Variants in CASZ1 observed in about 807,000 individuals in gnomAD.
CASZ1 encodes castor zinc finger 1.
A neutral mutation model predicts 135.2 loss-of-function variants in CASZ1; 28 were observed. The ratio of observed to expected loss-of-function variants is 0.21; its 90% CI spans 0.15 to 0.28. The LOEUF is 0.28. Ranked by LOEUF, CASZ1 falls within the 10% of genes least tolerant of loss-of-function variation. The probability of loss-of-function intolerance (pLI) is 1.00; values close to 1 mark genes in which losing one functional copy is unlikely to be tolerated. For missense variants in CASZ1, 2,161 were observed against 2,453.3 expected (o/e 0.88, Z 2.52); for synonymous variants, 1,068 against 1,073.4 (o/e 0.99, Z 0.10).
rs1402191871 is a variant in CASZ1 at position 10,727,930 on chromosome 1, G to T, written c.-76-22386C>A. 6.6e-6 allele frequency among the ~76,000 whole-genome samples: 1 copy of T among 152,252 alleles called. No individual in the cohort carries two copies. Among genetic ancestry groups the T allele is most frequent in the Non-Finnish European group, 1.5e-5 (1 of 68,042 alleles). Reference sequence around the variant, plus strand: ...CCCGGCACCATGCCAACACGTGGAAGGTTGAACTAACCCCGGGCGCGATGC... The same window carrying T: ...CCCGGCACCATGCCAACACGTGGAATGTTGAACTAACCCCGGGCGCGATGC... On this transcript the variant is annotated intron_variant, in intron 2 of 20. Transcript: ENST00000377022. This position sits in a 1 kb window ranked among gnomAD's most constrained non-coding sequence, Gnocchi z 5.3.
At position 10,676,677 on chromosome 1, in the gene CASZ1, C is replaced by G. The variant is rs1638234815; in HGVS notation, c.17-11106G>C. Among the ~76,000 whole-genome samples, 1 of 152,182 alleles carries G rather than the reference C, an allele frequency of 6.6e-6. No homozygotes were observed. Among genetic ancestry groups the G allele is most frequent in the African/African-American group, 2.4e-5 (1 of 41,446 alleles). ...GCCTGCCCTCGACCAGCCTACAGCT[C>G]AGAAACGAGCCCCTGGCCCGGGGCG... On this transcript the variant is annotated intron_variant, in intron 4 of 20. Transcript: ENST00000377022. This position sits in a 1 kb window ranked among gnomAD's most constrained non-coding sequence, Gnocchi z 4.5.
At position 10,655,714 on chromosome 1, in the gene CASZ1, C is replaced by T. The variant is rs759683703; in HGVS notation, c.1600G>A (p.Asp534Asn). 21 of 1,614,056 alleles carry T rather than the reference C, an allele frequency of 1.3e-5. No homozygotes were observed. Among genetic ancestry groups the T allele is most frequent in the African/African-American group, 2.7e-5 (2 of 74,948 alleles). ...HGFMRFSPLD[D>N]CSVYYHGCHL... ...CAGCCGTGGTAGTAGACGCTGCAGT[C>T]GTCCAGCGGGCTGAAACGCATGAAG... The change falls in exon 9 of 21, where the codon GAC becomes AAC. Residue 534 changes from aspartate (D) to asparagine (N), a missense_variant. Asp to Asn is a conservative substitution (Grantham distance 23). Around this residue, in one of 7 missense-constraint regions of CASZ1, gnomAD observed 248 missense variants for 410.8 expected, o/e 0.60. Transcript: ENST00000377022.
intron 2 of CASZ1, among the ~76,000 whole-genome samples, chr1:10,743,203 TA>T (rs1445445448): frequency 6.6e-6 from 1 of 151,266 alleles, no homozygotes; most frequent in Non-Finnish European, 1.5e-5. Flanking sequence ...GTCTGGGGCA[TA>T]AACCGGAGAA....
At position 10,642,870 on chromosome 1, in the gene CASZ1, C is replaced by T. The variant is rs199766638; in HGVS notation, c.4151G>A (p.Ser1384Asn). The T allele has an allele frequency of 6.8e-6, 11 of 1,612,658 alleles. No individual in the cohort carries two copies. The highest frequency in any genetic ancestry group is 5.3e-5 in the African/African-American group (4 of 74,940). ...TGCCTGCCGCTCACCTGCCGCGGTG[C>T]TCTCGTTACCCACGGGGGTGCTGGA... ...SCSSTPVGNE[S>N]TAAGNTISMP... Residue 1384 changes from serine to asparagine, a missense_variant, in exon 20 of 21, where the codon AGC (serine) becomes AAC (asparagine). Ser to Asn is a conservative substitution (Grantham distance 46). Around this residue, in one of 7 missense-constraint regions of CASZ1, gnomAD observed 143 missense variants for 128.3 expected, o/e 1.11. Coordinates refer to ENST00000377022, the MANE Select transcript of CASZ1 (RefSeq NM_001079843.3).
chr1:10,668,673 C>T (rs993354649), intron 4 of CASZ1, among the ~76,000 whole-genome samples: 3 of 152,266 alleles, frequency 2.0e-5, no homozygotes, highest in African/African-American at 7.2e-5. Flanking sequence ...ATGGCCTAGC[C>T]TCTGGGGTCA....
At chr1:10,675,233 G>A (rs1276200126) in intron 4 of CASZ1, among the ~76,000 whole-genome samples, 2 of 152,172 alleles carry the variant, frequency 1.3e-5, no homozygotes, top group African/African-American at 4.8e-5. Flanking sequence ...GAGTCGTAGC[G>A]CACACAGGGT....
At chr1:10,662,347 CACAT>C (rs1334387474) in intron 5 of CASZ1, among the ~76,000 whole-genome samples, 4 of 151,114 alleles carry the variant, frequency 2.6e-5, no homozygotes, top group Non-Finnish European at 5.9e-5. Context: ...TGCTCACAAT[CACAT>C]ACAACACACA....
chr1:10,691,428 C>T (rs991285948), intron 4 of CASZ1, among the ~76,000 whole-genome samples: 1 of 152,210 alleles, frequency 6.6e-6, no homozygotes, highest in African/African-American at 2.4e-5. Flanking sequence ...TTCCTCATGG[C>T]TGAAGGCCTT....
chr1:10,718,238 A>G (rs953179274), intron 2 of CASZ1, among the ~76,000 whole-genome samples: 1 of 152,078 alleles, frequency 6.6e-6, no homozygotes, highest in African/African-American at 2.4e-5. Context: ...TCCACTCCCC[A>G]TTTAGGATCC....
rs140027259 is a variant in CASZ1, at chr1:10,779,488, G to A, written c.-234+17076C>T. On this transcript the variant is annotated intron_variant, in intron 1 of 20. Coordinates refer to ENST00000377022, the MANE Select transcript of CASZ1 (RefSeq NM_001079843.3). Reference sequence around the variant, plus strand: ...GCGCCCTCTCGCCTGGCGCTGCCCCGCCCCCTCCCCCTTGCCAGGGCTCCC... The same window carrying A: ...GCGCCCTCTCGCCTGGCGCTGCCCCACCCCCTCCCCCTTGCCAGGGCTCCC... 2.7e-4 allele frequency among the ~76,000 whole-genome samples: 41 copies of A among 152,124 alleles called. No individual in the cohort carries two copies. The East Asian group carries it at 7.4e-3, about 27-fold the overall frequency.
intron 7 of CASZ1, chr1:10,658,254 C>T (rs972021191): frequency 2.2e-5 from 11 of 497,104 alleles, no homozygotes; most frequent in Admixed American, 6.4e-5. Flanking sequence ...GGCCCTGCGT[C>T]GGGACCCCGG....
intron 2 of CASZ1, among the ~76,000 whole-genome samples, chr1:10,714,201 A>T (rs1046834453): frequency 6.6e-6 from 1 of 152,036 alleles, no homozygotes; most frequent in African/African-American, 2.4e-5. Context: ...CCCGCTACTG[A>T]GGAGGCTGAG....
In CASZ1 at chr1:10,727,171, AGG is replaced by A. The variant is rs771618730; in HGVS notation, c.-76-21629_-76-21628del. Among the ~76,000 whole-genome samples, 1 of 151,992 alleles carries A rather than the reference AGG, an allele frequency of 6.6e-6. No individual in the cohort carries two copies. Among genetic ancestry groups the A allele is most frequent in the East Asian group, 1.9e-4 (1 of 5,150 alleles). On this transcript the variant is annotated intron_variant, in intron 2 of 20. Transcript: ENST00000377022. This position sits in a 1 kb window ranked among gnomAD's most constrained non-coding sequence, Gnocchi z 5.3. Reference sequence around the variant, plus strand: ...TGGAGAAGGAAGAGGGAAAAGGGAGAGGTGGCCAGGGGTAGGGAGAGGCCCGC... The same window carrying A: ...TGGAGAAGGAAGAGGGAAAAGGGAGATGGCCAGGGGTAGGGAGAGGCCCGC...
At chr1:10,663,880 G>A (rs1375257608) in intron 5 of CASZ1, among the ~76,000 whole-genome samples, 1 of 152,238 alleles carries the variant, frequency 6.6e-6, no homozygotes, top group Non-Finnish European at 1.5e-5. Flanking sequence ...AGGAGGCAGG[G>A]GCTGAGGCCC....
intron 2 of CASZ1, among the ~76,000 whole-genome samples, chr1:10,751,627 C>T (rs559222279): frequency 5.7e-4 from 87 of 152,310 alleles, no homozygotes; most frequent in East Asian, 1.7e-3. Flanking sequence ...GCTCGAGAAA[C>T]GGGGCCAAAC....
In CASZ1 at chr1:10,725,953, G is replaced by T. The variant is rs572883644; in HGVS notation, c.-76-20409C>A. Among the ~76,000 whole-genome samples the T allele has an allele frequency of 2.6e-5, 4 of 152,272 alleles. No individual in the cohort carries two copies. Among genetic ancestry groups the T allele is most frequent in the Admixed American group, 2.0e-4 (3 of 15,296 alleles). On this transcript the variant is annotated intron_variant, in intron 2 of 20. Coordinates refer to ENST00000377022, the MANE Select transcript of CASZ1 (RefSeq NM_001079843.3). The surrounding 1 kb of genome is among the most constrained non-coding windows in gnomAD (Gnocchi z 4.4). Reference sequence around the variant, plus strand: ...AGGATCCCTTAGTAGCAAGAGCAGGGTGAGGCTCCACCTCAGTGCACTAGG... The same window carrying T: ...AGGATCCCTTAGTAGCAAGAGCAGGTTGAGGCTCCACCTCAGTGCACTAGG...
chr1:10,754,728 A>G (rs1034939248), intron 2 of CASZ1, among the ~76,000 whole-genome samples: 5 of 151,886 alleles, frequency 3.3e-5, no homozygotes, highest in Non-Finnish European at 5.9e-5. Context: ...ACGGCGTGGG[A>G]CTCACAGCTG....
At chr1:10,795,737 C>A (rs1641055009) in intron 1 of CASZ1, among the ~76,000 whole-genome samples, 1 of 151,134 alleles carries the variant, frequency 6.6e-6, no homozygotes, top group African/African-American at 2.4e-5. Context: ...GAGTGAGGAA[C>A]GCCACTTGCC....
At chr1:10,642,693 A>G (rs1642244518) in intron 20 of CASZ1, among the ~76,000 whole-genome samples, 166 bp downstream of exon 20, 1 of 152,166 alleles carries the variant, frequency 6.6e-6, no homozygotes. Context: ...GGATGGCGGG[A>G]GGGGCCTCGA....
Sources: gnomAD v4.1 joint callset for allele counts (sites outside exome capture counted in the v4.1 genomes callset) on GRCh38, gnomAD v4.1.1 for gene constraint, gnomAD v4.1.1 regional missense constraint, Gnocchi (gnomAD v3.1) non-coding constraint, MANE v1.5 for transcripts, NCBI Gene and HGNC (gene_info 2026-07-23, HGNC 2026-07-21) for gene names.